Variants in MECOM observed in about 807,000 individuals in gnomAD.
The protein encoded by MECOM is MDS1 and EVI1 complex locus, also known as histone-lysine N-methyltransferase MECOM.
A neutral mutation model predicts 116.3 loss-of-function variants in MECOM; 13 were observed. That is an observed-to-expected ratio of 0.11 (90% CI 0.07 to 0.18). MECOM has a LOEUF of 0.18. MECOM is among the 10% of genes least tolerant of loss of function. The pLI, the probability that MECOM is intolerant of heterozygous loss-of-function variation, is 1.00. For missense variants in MECOM, 1,299 were observed against 1,509.0 expected (o/e 0.86, Z 2.31); for synonymous variants, 528 against 535.2 (o/e 0.99, Z 0.19).
rs114144864 is a variant in MECOM, at chr3:169,088,403, T to C, written c.3585+597A>G. Among the ~76,000 whole-genome samples, 612 of 152,290 alleles carry C rather than the reference T, an allele frequency of 4.0e-3. 3 individuals carry two copies. Among genetic ancestry groups the C allele is most frequent in the South Asian group, 0.017 (80 of 4,826 alleles). On this transcript the variant is annotated intron_variant, in intron 16 of 16. Coordinates refer to ENST00000651503, the MANE Select transcript of MECOM (RefSeq NM_004991.4). ...TACAATGTTGTAGAGCCTAATAAAT[T>C]TGAGTACCATTCATTCACTCATTCA...
intron 1 of MECOM, among the ~76,000 whole-genome samples, chr3:169,453,361 G>A (rs1380076016): frequency 6.6e-6 from 1 of 152,164 alleles, no homozygotes; most frequent in Non-Finnish European, 1.5e-5. Flanking sequence ...TTTTTGAATC[G>A]CTGGATGGAA....
At chr3:169,500,095 CAGT>C (rs1754353498) in intron 1 of MECOM, among the ~76,000 whole-genome samples, 1 of 151,794 alleles carries the variant, frequency 6.6e-6, no homozygotes, top group Admixed American at 6.6e-5. Context: ...AATAATTTAA[CAGT>C]AGGATAAAGG....
At chr3:169,659,164 C>T (rs1421241573) in intron 1 of MECOM, among the ~76,000 whole-genome samples, 1 of 151,636 alleles carries the variant, frequency 6.6e-6, no homozygotes, top group Non-Finnish European at 1.5e-5. Flanking sequence ...TGTTGAATGT[C>T]TGTCCCTGCA....
intron 1 of MECOM, among the ~76,000 whole-genome samples, chr3:169,630,624 GTATTTT>G (rs1335031940): frequency 6.6e-6 from 1 of 151,952 alleles, no homozygotes; most frequent in Non-Finnish European, 1.5e-5. Flanking sequence ...AGCTTATTTT[GTATTTT>G]TATTTTTATT....
chr3:169,366,950 T>C (rs1466457009), intron 2 of MECOM, among the ~76,000 whole-genome samples: 2 of 152,220 alleles, frequency 1.3e-5, no homozygotes, highest in East Asian at 3.9e-4. Flanking sequence ...AGTGTAGGCA[T>C]GGCAAGAATA....
At chr3:169,258,488 C>T (rs573808387) in intron 2 of MECOM, among the ~76,000 whole-genome samples, 1 of 152,154 alleles carries the variant, frequency 6.6e-6, no homozygotes, top group East Asian at 1.9e-4. Flanking sequence ...TATTACTGTT[C>T]TTCTAAATTC....
At chr3:169,585,133 T>C (rs1328449728) in intron 1 of MECOM, among the ~76,000 whole-genome samples, 1 of 152,132 alleles carries the variant, frequency 6.6e-6, no homozygotes, top group Non-Finnish European at 1.5e-5. Context: ...GGATTAGAGG[T>C]CTTAGAAATC....
intron 1 of MECOM, among the ~76,000 whole-genome samples, chr3:169,512,367 CAG>C (rs1756080040): frequency 6.6e-6 from 1 of 152,192 alleles, no homozygotes; most frequent in Non-Finnish European, 1.5e-5. Context: ...CTGAATTGTT[CAG>C]ACTTAGCCCT....
At chr3:169,144,869 C>T (rs1330356134) in intron 2 of MECOM, 3 of 700,074 alleles carry the variant, frequency 4.3e-6, no homozygotes, top group Non-Finnish European at 7.4e-6. Flanking sequence ...TTAAATAACT[C>T]CTACAGATCT....
At chr3:169,094,407 T>A (rs796915307) in intron 13 of MECOM, among the ~76,000 whole-genome samples, 24 of 152,320 alleles carry the variant, frequency 1.6e-4, no homozygotes, top group African/African-American at 5.3e-4. Context: ...TGACTTATTA[T>A]CTAACTATTG....
chr3:169,509,519 A>G (rs545123805), intron 1 of MECOM, among the ~76,000 whole-genome samples: 94 of 151,376 alleles, frequency 6.2e-4, no homozygotes, highest in African/African-American at 2.2e-3. Context: ...CTCCTCCCCC[A>G]TTTCCTCCTG....
At chr3:169,243,974 C>T (rs1402104166) in intron 2 of MECOM, among the ~76,000 whole-genome samples, 1 of 152,192 alleles carries the variant, frequency 6.6e-6, no homozygotes, top group Non-Finnish European at 1.5e-5. Context: ...TTGCAGGGCT[C>T]AAGTATTTAC....
intron 2 of MECOM, among the ~76,000 whole-genome samples, chr3:169,244,285 T>C (rs1329071220): frequency 6.6e-6 from 1 of 152,234 alleles, no homozygotes; most frequent in African/African-American, 2.4e-5. Flanking sequence ...GAACCTAATG[T>C]TGCCGTCGTT....
chr3:169,142,401 C>CA (rs1738385855), intron 3 of MECOM, among the ~76,000 whole-genome samples: 1 of 151,902 alleles, frequency 6.6e-6, no homozygotes, highest in Non-Finnish European at 1.5e-5. Context: ...TTAATTCACT[C>CA]ACAATACCTA....
chr3:169,517,368 A>C (rs567570828), intron 1 of MECOM, among the ~76,000 whole-genome samples: 140 of 152,298 alleles, frequency 9.2e-4, no homozygotes, highest in African/African-American at 3.2e-3. Flanking sequence ...TTATCTAAGC[A>C]TGGTAATTTT....
intron 1 of MECOM, among the ~76,000 whole-genome samples, chr3:169,615,213 G>A (rs143818909): frequency 3.3e-5 from 5 of 152,284 alleles, no homozygotes; most frequent in Admixed American, 6.5e-5. Context: ...AGGACACCTT[G>A]TACCCACCAC....
rs1719213215 is a variant in MECOM at position 169,090,169 on chromosome 3, C to T, written c.3232G>A (p.Asp1078Asn). Residue 1078 changes from aspartate (D) to asparagine (N), a missense_variant, in exon 15 of 17, where the codon GAT (aspartate) becomes AAT (asparagine). Transcript: ENST00000651503. ...VTSQNSDLLDDEEVEDEVLLD... is the reference protein window; with the variant it reads ...VTSQNSDLLDNEEVEDEVLLD... ...AACACCTCATCTTCAACTTCTTCAT[C>T]ATCCAGCAAGTCTGAATTTTGACTG... The T allele has an allele frequency of 6.2e-7, 1 of 1,613,480 alleles. No homozygotes were observed. The highest frequency in any genetic ancestry group is 8.5e-7 in the Non-Finnish European group (1 of 1,179,610).
chr3:169,122,745 G>T lies in MECOM; in HGVS notation c.831-18C>A. The T allele has an allele frequency of 6.2e-7, 1 of 1,610,010 alleles. No homozygotes were observed. The highest frequency in any genetic ancestry group is 8.5e-7 in the Non-Finnish European group (1 of 1,177,318). The stretch of plus-strand genomic sequence containing the variant: ...TCTCCAGGCTGTTAAGAGAACAATA[G>T]ATTTTAAAAGACAAAGGATGCATTC... On this transcript the variant is annotated intron_variant, in intron 5 of 16. Coordinates refer to ENST00000651503, the MANE Select transcript of MECOM (RefSeq NM_004991.4).
chr3:169,409,285 C>T (rs537613763), intron 1 of MECOM, among the ~76,000 whole-genome samples: 255 of 152,242 alleles, frequency 1.7e-3, no homozygotes, highest in African/African-American at 6.0e-3. Flanking sequence ...TTGATAAAAT[C>T]GAATAGAAAT....
Sources: allele counts gnomAD v4.1 joint callset (sites outside exome capture counted in the v4.1 genomes callset), GRCh38; gene constraint gnomAD v4.1.1; transcripts MANE v1.5; gene names NCBI Gene and HGNC (gene_info 2026-07-23, HGNC 2026-07-21).